STARD9: variants seen among roughly 807,000 people sequenced by gnomAD.
The protein encoded by STARD9 is StAR related lipid transfer domain containing 9, also known as stAR-related lipid transfer protein 9.
In STARD9, 346 loss-of-function variants were observed where a neutral mutation model predicts 399.8. That is an observed-to-expected ratio of 0.87 (90% CI 0.79 to 0.95). The LOEUF is 0.95. STARD9 is among the 40% of genes least tolerant of loss of function. STARD9 has a pLI of 0.00. For synonymous variants in STARD9, 2,203 were observed against 2,143.5 expected (o/e 1.03, Z -0.77); for missense variants, 5,832 against 5,667.5 (o/e 1.03, Z -0.93).
chr15:42,716,789 T>G (rs1389220999), intron 27 of STARD9, 25 bp downstream of exon 27: 5 of 1,529,378 alleles, frequency 3.3e-6, no homozygotes, highest in Non-Finnish European at 4.4e-6. Context: ...GTGTTGGGCA[T>G]AGCCAGCTGC....
At position 42,690,431 on chromosome 15, in the gene STARD9, TC is replaced by T; in HGVS notation, c.8855del (p.Pro2952LeufsTer31). 1 of 1,537,194 alleles carries T rather than the reference TC, an allele frequency of 6.5e-7. No individual in the cohort carries two copies. The part of the protein sequence containing the change: ...PSRGKESRTL[P>X]CRQPCSSQPV... ...CTAGAGGGAAAGAGAGCAGAACTCT[TC>T]CTTGCCGACAGCCATGCAGTTCTCA... is the stretch of plus-strand genomic sequence containing the variant. On this transcript the variant is annotated frameshift_variant, in exon 23 of 33. Coordinates refer to ENST00000290607, the MANE Select transcript of STARD9 (RefSeq NM_020759.3). LOFTEE classifies it high-confidence loss of function.
At chr15:42,640,090 A>T (rs2059504096) in intron 7 of STARD9, among the ~76,000 whole-genome samples, 1 of 152,030 alleles carries the variant, frequency 6.6e-6, no homozygotes, top group Admixed American at 6.6e-5. Context: ...GCGGATTTTT[A>T]AATTTGCTGT....
At chr15:42,674,282 AC>A (rs1418847484) in intron 16 of STARD9, among the ~76,000 whole-genome samples, 157 bp from the exon 17 acceptor site, 1 of 152,164 alleles carries the variant, frequency 6.6e-6, no homozygotes, top group Non-Finnish European at 1.5e-5. Flanking sequence ...AACAGCCGGG[AC>A]CAAAGTTGAG....
intron 26 of STARD9, among the ~76,000 whole-genome samples, chr15:42,707,442 A>C (rs1319908369): frequency 6.6e-6 from 1 of 151,486 alleles, no homozygotes; most frequent in Admixed American, 6.6e-5. Context: ...CAGATTAAAC[A>C]CCTAGGCAGA....
rs1012195339 is a variant in STARD9, at chr15:42,693,631, C to G, written c.12053C>G (p.Pro4018Arg). 1.2e-5 allele frequency: 18 copies of G among 1,537,276 alleles called. No individual in the cohort carries two copies. The Admixed American group carries it at 3.1e-4, about 27-fold the overall frequency. Residue 4018 changes from proline (P) to arginine (R), a missense_variant, in exon 23 of 33, where the codon CCA (proline) becomes CGA (arginine). Transcript: ENST00000290607. ...GGGGTCCAAAGCAGACTGCTGCCAC[C>G]ACCACTGAGGCACAGGAGCCAAAGG... ...TIGVQSRLLP[P>R]PLRHRSQRLG...
At chr15:42,599,774 G>A (rs1426448926) in intron 3 of STARD9, among the ~76,000 whole-genome samples, 1 of 152,166 alleles carries the variant, frequency 6.6e-6, no homozygotes, top group Non-Finnish European at 1.5e-5. Context: ...GCAACACATG[G>A]GGTTTAGTGC....
chr15:42,631,280 C>A (rs1024175803), intron 3 of STARD9, among the ~76,000 whole-genome samples: 1 of 152,080 alleles, frequency 6.6e-6, no homozygotes, highest in Admixed American at 6.6e-5. Context: ...GTTTCCGTAT[C>A]CATTTGTTTC....
Position 42,692,720 on chromosome 15 carries a change from C to A in STARD9, c.11142C>A (p.Ile3714=), listed in dbSNP as rs923101463. 3.3e-6 allele frequency: 5 copies of A among 1,536,980 alleles called. No individual in the cohort carries two copies. The Admixed American group carries it at 5.9e-5, about 18-fold the overall frequency. The part of the protein sequence containing the change: ...ARREQNTKRD[I]PDKAPQALMM... ...GGGAGCAGAACACCAAGAGGGACAT[C>A]CCAGATAAAGCCCCACAGGCCCTGA... The change falls in exon 23 of 33, where the codon ATC becomes ATA. Residue 3714 remains isoleucine, a synonymous_variant. Transcript: ENST00000290607.
rs1208922325 is a variant in STARD9, at chr15:42,692,462, C to T, written c.10884C>T (p.Cys3628=). Reference sequence around the variant, plus strand: ...TGCTGTATCCATCAGAGGCAGGCTGCCCTGTGGGACAGACCAGGACGAACA... The same window carrying T: ...TGCTGTATCCATCAGAGGCAGGCTGTCCTGTGGGACAGACCAGGACGAACA... ...IMLLYPSEAG[C]PVGQTRTNTF... Residue 3628 remains cysteine, a synonymous_variant, in exon 23 of 33, where the codon TGC becomes TGT. Coordinates refer to ENST00000290607, the MANE Select transcript of STARD9 (RefSeq NM_020759.3). 4 of 1,536,970 alleles carry T rather than the reference C, an allele frequency of 2.6e-6. No homozygotes were observed. In the Admixed American group the frequency reaches 7.8e-5, roughly 30 times the overall value.
At chr15:42,590,685 G>A (rs2058375571) in intron 3 of STARD9, among the ~76,000 whole-genome samples, 1 of 152,206 alleles carries the variant, frequency 6.6e-6, no homozygotes, top group African/African-American at 2.4e-5. Flanking sequence ...TATTGTGCCA[G>A]TATCTGCTGT....
At chr15:42,583,969 A>G (rs986871483) in intron 2 of STARD9, among the ~76,000 whole-genome samples, 1 of 152,072 alleles carries the variant, frequency 6.6e-6, no homozygotes, top group Non-Finnish European at 1.5e-5. Context: ...TAGAGTCATA[A>G]TTGGACAGAC....
chr15:42,596,181 A>G (rs1236095939), intron 3 of STARD9, among the ~76,000 whole-genome samples: 6 of 152,204 alleles, frequency 3.9e-5, no homozygotes, highest in Non-Finnish European at 7.4e-5. Flanking sequence ...GAGAGAGGTT[A>G]TCTGTAGGGG....
intron 26 of STARD9, among the ~76,000 whole-genome samples, chr15:42,697,963 A>T (rs1375793073): frequency 6.6e-6 from 1 of 152,166 alleles, no homozygotes; most frequent in African/African-American, 2.4e-5. Flanking sequence ...TGTTTCTTGG[A>T]AGGTATCCTC....
chr15:42,592,856 GGCTTGAATCT>G (rs2058428840), intron 3 of STARD9, among the ~76,000 whole-genome samples: 2 of 152,110 alleles, frequency 1.3e-5, no homozygotes, highest in Non-Finnish European at 2.9e-5. Flanking sequence ...TATTTTTTCT[GGCTTGAATCT>G]GTATTAAAGT....
intron 1 of STARD9, among the ~76,000 whole-genome samples, chr15:42,578,209 C>G (rs1445970354): frequency 4.6e-5 from 7 of 151,700 alleles, no homozygotes; most frequent in African/African-American, 7.3e-5. Flanking sequence ...CTCCTGGGTT[C>G]AAGCGATTCT....
At position 42,685,243 on chromosome 15, in the gene STARD9, C is replaced by G; in HGVS notation, c.3665C>G (p.Pro1222Arg). The G allele has an allele frequency of 6.5e-7, 1 of 1,537,386 alleles. No homozygotes were observed. The highest frequency in any genetic ancestry group is 8.7e-7 in the Non-Finnish European group (1 of 1,146,942). ...CTGGGGGAAGATCAGCAAGAAGAAC[C>G]TTTCCCTGGTTCAGCTGACGAGATA... ...EELGEDQQEE[P>R]FPGSADEIPT... The change falls in exon 23 of 33, where the codon CCT becomes CGT. Residue 1222 changes from proline (P) to arginine (R), a missense_variant. Transcript: ENST00000290607.
At chr15:42,604,271 C>T (rs892425670) in intron 3 of STARD9, among the ~76,000 whole-genome samples, 3 of 152,182 alleles carry the variant, frequency 2.0e-5, no homozygotes, top group African/African-American at 7.2e-5. Context: ...GCTTCTCTTA[C>T]CTGTCTCTTA....
intron 1 of STARD9, among the ~76,000 whole-genome samples, chr15:42,580,478 TTG>T (rs1256021288): frequency 6.6e-6 from 1 of 152,110 alleles, no homozygotes; most frequent in Non-Finnish European, 1.5e-5. Flanking sequence ...AGGTTGGTAT[TTG>T]ATTTGGAACA....
chr15:42,707,350 A>G (rs778181709), intron 26 of STARD9, among the ~76,000 whole-genome samples: 28 of 152,220 alleles, frequency 1.8e-4, no homozygotes, highest in Non-Finnish European at 3.2e-4. Context: ...ACATTCGCAA[A>G]TCCATCACTG....
Sources: gnomAD v4.1 joint callset for allele counts (sites outside exome capture counted in the v4.1 genomes callset) on GRCh38, gnomAD v4.1.1 for gene constraint, MANE v1.5 for transcripts, NCBI Gene and HGNC (gene_info 2026-07-23, HGNC 2026-07-21) for gene names.